NCAM1: variants seen among roughly 807,000 people sequenced by gnomAD.
NCAM1 encodes the protein antigen recognized by monoclonal antibody 5.1H11.
A neutral mutation model predicts 109.8 loss-of-function variants in NCAM1; 14 were observed. The ratio of observed to expected loss-of-function variants is 0.13; its 90% CI spans 0.08 to 0.20. The LOEUF (loss-of-function observed/expected upper bound fraction) is 0.20. NCAM1 is among the 10% of genes least tolerant of loss of function. The pLI is 1.00. For missense variants in NCAM1, 774 were observed against 1,109.9 expected, an observed-to-expected ratio of 0.70 and a Z score of 4.30; for synonymous variants, 418 against 442.9, an observed-to-expected ratio of 0.94 and a Z score of 0.70.
At chr11:113,176,657 G>A (rs1943153670) in intron 1 of NCAM1, among the ~76,000 whole-genome samples, 1 of 152,130 alleles carries the variant, frequency 6.6e-6, no homozygotes, top group Non-Finnish European at 1.5e-5. Context: ...TTTTTGCAAA[G>A]GTTTCTTTCT....
At chr11:113,045,724 A>T (rs117558680) in intron 1 of NCAM1, among the ~76,000 whole-genome samples, 1,539 of 152,306 alleles carry the variant, frequency 0.01, 15 homozygotes, top group Non-Finnish European at 0.017. Context: ...GAATGGATAA[A>T]TTCCTTTATT....
chr11:113,124,315 C>T (rs1033722368), intron 1 of NCAM1, among the ~76,000 whole-genome samples: 3 of 152,174 alleles, frequency 2.0e-5, no homozygotes, highest in Non-Finnish European at 2.9e-5. Context: ...ATCATTAGTA[C>T]TCTGTAGACT....
intron 1 of NCAM1, among the ~76,000 whole-genome samples, chr11:113,144,680 G>A (rs1292881454): frequency 6.6e-6 from 1 of 152,076 alleles, no homozygotes; most frequent in Non-Finnish European, 1.5e-5. Flanking sequence ...GTATTTTCTG[G>A]GTCAGCAGAA....
chr11:113,071,427 T>A (rs1938256403), intron 1 of NCAM1, among the ~76,000 whole-genome samples: 1 of 148,814 alleles, frequency 6.7e-6, no homozygotes, highest in African/African-American at 2.5e-5. Context: ...TTGGATTTTT[T>A]TTTTTTTTTT....
At chr11:113,096,025 C>T (rs558702474) in intron 1 of NCAM1, among the ~76,000 whole-genome samples, 1 of 151,984 alleles carries the variant, frequency 6.6e-6, no homozygotes, top group African/African-American at 2.4e-5. Flanking sequence ...GCTATTAGGC[C>T]CACAGGAATT....
chr11:113,266,397 G>A (rs150754224), intron 17 of NCAM1, among the ~76,000 whole-genome samples: 10 of 152,268 alleles, frequency 6.6e-5, no homozygotes, highest in South Asian at 2.1e-4. Context: ...CAGTATGGTC[G>A]CTTTTCCTTT....
chr11:112,980,540 T>C (rs537490853), intron 1 of NCAM1, among the ~76,000 whole-genome samples: 1 of 152,022 alleles, frequency 6.6e-6, no homozygotes, highest in South Asian at 2.1e-4. Context: ...TGAGCCTTGA[T>C]TCAGCATTTT....
At chr11:113,025,155 A>G (rs1362560311) in intron 1 of NCAM1, among the ~76,000 whole-genome samples, 1 of 152,232 alleles carries the variant, frequency 6.6e-6, no homozygotes, top group Non-Finnish European at 1.5e-5. Context: ...TTAACTAACA[A>G]TAATTTAGAT....
At chr11:113,216,313 C>T (rs944579437) in intron 8 of NCAM1, among the ~76,000 whole-genome samples, 1 of 151,920 alleles carries the variant, frequency 6.6e-6, no homozygotes, top group Non-Finnish European at 1.5e-5. Context: ...CCTCGCCCGG[C>T]TAATTTTTTT....
rs1184018602 is a variant in NCAM1, at chr11:113,277,837, G to A, written c.*2450G>A. 1.0e-4 allele frequency: 8 copies of A among 77,650 alleles called. No homozygotes were observed. The highest frequency in any genetic ancestry group is 3.6e-4 in the African/African-American group (6 of 16,506). 4.8% of individuals were successfully genotyped at this position (77,650 alleles called of 1,614,324 possible). A position where few individuals can be genotyped will look rare whatever the true frequency, so the allele number is the denominator to read the frequency against. ...CACATAGGTTTGTCTCAGCATGCAA[G>A]AGTTTTTCCTTTAAAAAAAAAAAAA... On this transcript the variant is annotated 3_prime_UTR_variant, in exon 20 of 20. Coordinates refer to ENST00000316851, the MANE Select transcript of NCAM1 (RefSeq NM_181351.5).
rs1555062909 is a variant in NCAM1, at chr11:112,961,579, C to A, written c.-34C>A. ...AGGGGGGGGGGCACAGAATTTACCG[C>A]GGCAAGAACATCCCTCCCAGCCAGC... On this transcript the variant is annotated 5_prime_UTR_variant, in exon 1 of 20. Coordinates refer to ENST00000316851, the MANE Select transcript of NCAM1 (RefSeq NM_181351.5). 5 of 1,371,088 alleles carry A rather than the reference C, an allele frequency of 3.6e-6. No homozygotes were observed. The highest frequency in any genetic ancestry group is 5.2e-6 in the Non-Finnish European group (5 of 960,548). The allele number at this position is 1,371,088 out of a possible 1,614,324, so 84.9% of individuals were successfully genotyped here.
At chr11:113,128,906 G>GGTGT (rs782123739) in intron 1 of NCAM1, among the ~76,000 whole-genome samples, 1,321 of 84,888 alleles carry the variant, frequency 0.016, 12 homozygotes, top group Middle Eastern at 0.051. Flanking sequence ...AAGTTGTGAG[G>GGTGT]GTGTGTGTGT....
rs527878920 is a variant in NCAM1, at chr11:113,205,046, C to T, written c.347-477C>T. Among the ~76,000 whole-genome samples, 55 of 152,250 alleles carry T rather than the reference C, an allele frequency of 3.6e-4. No individual in the cohort carries two copies. In the South Asian group the frequency reaches 0.011, roughly 30 times the overall value. On this transcript the variant is annotated intron_variant, in intron 3 of 19. Coordinates refer to ENST00000316851, the MANE Select transcript of NCAM1 (RefSeq NM_181351.5). ...GTATTGATTGCACGGTATTTATTGC[C>T]ATTAAATGTGCTTTTTTCCTGTTCT...
At chr11:113,003,529 G>C (rs1438022647) in intron 1 of NCAM1, among the ~76,000 whole-genome samples, 1 of 152,096 alleles carries the variant, frequency 6.6e-6, no homozygotes, top group African/African-American at 2.4e-5. Context: ...ATATCATTAG[G>C]GTGAAGAGTG....
intron 1 of NCAM1, among the ~76,000 whole-genome samples, chr11:113,157,083 G>T (rs1449533917): frequency 6.6e-6 from 1 of 151,742 alleles, no homozygotes; most frequent in Non-Finnish European, 1.5e-5. Context: ...TATATTGCAA[G>T]GTCACCCTAG....
At chr11:113,237,945 T>TAGATAG (rs1397593284) in intron 14 of NCAM1, among the ~76,000 whole-genome samples, 1 of 56,744 alleles carries the variant, frequency 1.8e-5, no homozygotes, top group African/African-American at 6.1e-5. Context: ...TAGATATATA[T>TAGATAG]ATAGATATAT....
intron 1 of NCAM1, among the ~76,000 whole-genome samples, chr11:113,070,290 A>T (rs868941231): frequency 7.2e-5 from 11 of 152,180 alleles, no homozygotes; most frequent in Admixed American, 1.3e-4. Context: ...GAAAGAAAAT[A>T]GCAAGAAGAG....
At chr11:113,073,063 A>T (rs536699293) in intron 1 of NCAM1, among the ~76,000 whole-genome samples, 18 of 152,172 alleles carry the variant, frequency 1.2e-4, no homozygotes, top group South Asian at 2.1e-4. Context: ...GTCTCTAGGA[A>T]CTCAATTACT....
At chr11:113,263,139 C>T (rs1946055366) in intron 17 of NCAM1, 1 of 1,225,478 alleles carries the variant, frequency 8.2e-7, no homozygotes. Context: ...GGAGTTTGCC[C>T]CCTTTTTAAT....
Sources: allele counts gnomAD v4.1 joint callset (sites outside exome capture counted in the v4.1 genomes callset), GRCh38; gene constraint gnomAD v4.1.1; transcripts MANE v1.5; gene names NCBI Gene and HGNC (gene_info 2026-07-23, HGNC 2026-07-21).